The following BECN1 variants were observed in gnomAD, a reference collection of about 807,000 sequenced individuals.
BECN1 encodes beclin-1.
Under a neutral mutation model 60.1 loss-of-function variants are expected in BECN1, and 15 were observed. The observed-to-expected ratio is 0.25, with a 90% CI of 0.17 to 0.38. The LOEUF (loss-of-function observed/expected upper bound fraction) is 0.38, where lower values mean the gene tolerates loss of function less well. BECN1 is among the 10% of genes least tolerant of loss of function. BECN1 has a pLI of 1.00. For synonymous variants in BECN1, 179 were observed against 201.8 expected (o/e 0.89, Z 0.96); for missense variants, 424 against 548.2 (o/e 0.77, Z 2.26).
chr17:42,812,998 C>A (rs558192674), intron 10 of BECN1: 5 of 144,302 alleles, frequency 3.5e-5, no homozygotes, highest in South Asian at 2.2e-4. Context: ...CCACGCCCAG[C>A]TGATTTTTTT....
intron 3 of BECN1, 100 bp from the exon 4 acceptor site, chr17:42,819,709 A>G: frequency 8.5e-7 from 1 of 1,175,028 alleles, no homozygotes; most frequent in Non-Finnish European, 1.2e-6. Context: ...CTTGATAACC[A>G]CAAGACTTGA....
At chr17:42,818,955 A>C (rs1486350467) in intron 4 of BECN1, 78 bp from the exon 5 acceptor site, 1 of 1,519,234 alleles carries the variant, frequency 6.6e-7, no homozygotes, top group Non-Finnish European at 9.1e-7. Context: ...CCAGTGGCAG[A>C]GACTCTCAAG....
chr17:42,810,829 A>C lies in BECN1; in HGVS notation c.1284T>G (p.Ala428=), dbSNP rs760151679. Residue 428 remains alanine, a synonymous_variant, in exon 12 of 12, where the codon GCT becomes GCG. Coordinates refer to ENST00000590099, the MANE Select transcript of BECN1 (RefSeq NM_001313998.2). Reference sequence around the variant, plus strand: ...TAAGATTCGTCAGCATGAACTTGAGAGCTTTTGTCCACTGCTCCTCAGAGT... The same window carrying C: ...TAAGATTCGTCAGCATGAACTTGAGCGCTTTTGTCCACTGCTCCTCAGAGT... ...QFNSEEQWTK[A]LKFMLTNLKW... 6.2e-7 allele frequency: 1 copy of C among 1,613,620 alleles called. No homozygotes were observed. Among genetic ancestry groups the C allele is most frequent in the South Asian group, 1.1e-5 (1 of 90,918 alleles).
chr17:42,812,510 A>C (rs1472127677), intron 10 of BECN1: 3 of 152,096 alleles, frequency 2.0e-5, no homozygotes, highest in South Asian at 2.1e-4. Context: ...TCAGGAGATC[A>C]AGACCATCAT....
At chr17:42,814,130 C>A (rs2055096085) in intron 9 of BECN1, 122 bp from the exon 10 acceptor site, 1 of 601,624 alleles carries the variant, frequency 1.7e-6, no homozygotes, top group Non-Finnish European at 2.9e-6. Flanking sequence ...ATGCTCAACT[C>A]CCTCTCCCAC....
intron 11 of BECN1, 72 bp from the exon 12 acceptor site, chr17:42,811,000 T>C: frequency 2.1e-6 from 3 of 1,407,674 alleles, no homozygotes; most frequent in Non-Finnish European, 2.9e-6. Flanking sequence ...AGGGACTTGA[T>C]CATGGGACCA....
intron 8 of BECN1, chr17:42,815,037 C>T (rs2055116806): frequency 8.6e-6 from 2 of 231,528 alleles, no homozygotes; most frequent in South Asian, 6.0e-5. Flanking sequence ...ACGATTCCAC[C>T]CCTTTACCCC....
Position 42,820,762 on chromosome 17 carries a change from C to T in BECN1, c.198+12G>A. ...TACATGAGGAGGATAGGGGAGAGGG[C>T]ACTTCTATTACCTCTCCTGAGTTAG... is the stretch of plus-strand genomic sequence containing the variant. On this transcript the variant is annotated intron_variant, in intron 3 of 11. Coordinates refer to ENST00000590099, the MANE Select transcript of BECN1 (RefSeq NM_001313998.2). The T allele has an allele frequency of 1.9e-6, 3 of 1,570,710 alleles. No individual in the cohort carries two copies. The highest frequency in any genetic ancestry group is 2.6e-6 in the Non-Finnish European group (3 of 1,154,048).
intron 4 of BECN1, 109 bp downstream of exon 4, chr17:42,819,437 AGG>A: frequency 6.7e-6 from 8 of 1,191,674 alleles, no homozygotes; most frequent in Non-Finnish European, 9.5e-6. Context: ...AAGGGCCAAA[AGG>A]CTAGGTGATG....
rs765239824 is a variant in BECN1 at position 42,819,570 on chromosome 17, G to A, written c.238C>T (p.Arg80Cys). The A allele has an allele frequency of 6.8e-6, 11 of 1,613,658 alleles. No homozygotes were observed. Among genetic ancestry groups the A allele is most frequent in the Middle Eastern group, 1.6e-4 (1 of 6,084 alleles). The change falls in exon 4 of 12, where the codon CGC becomes TGC. Residue 80 changes from arginine (R) to cysteine (C), a missense_variant. Physicochemically the swap from Arg to Cys is radical, Grantham distance 180. Around this residue, in one of 3 missense-constraint regions of BECN1, gnomAD observed 96 missense variants for 125.6 expected, o/e 0.76. Coordinates refer to ENST00000590099, the MANE Select transcript of BECN1 (RefSeq NM_001313998.2). ...CACCTGGCTGGGGGGATGAATCTGC[G>A]AGAGACACCATCCTGGCGAGGAGTT... ...IETPRQDGVSRRFIPPARMMS... is the reference protein window; with the variant it reads ...IETPRQDGVSCRFIPPARMMS...
chr17:42,820,692 C>T (rs948530826), intron 3 of BECN1, 82 bp downstream of exon 3: 28 of 1,406,740 alleles, frequency 2.0e-5, no homozygotes, highest in African/African-American at 2.9e-5. Context: ...GAAACCAAGC[C>T]TGCATTCCTG....
intron 2 of BECN1, among the ~76,000 whole-genome samples, chr17:42,823,017 G>C (rs768307709): frequency 7.9e-5 from 12 of 151,996 alleles, no homozygotes; most frequent in Non-Finnish European, 1.3e-4. Context: ...CCATTTACCA[G>C]CTGTTGGACC....
At position 42,813,951 on chromosome 17, in the gene BECN1, A is replaced by C. The variant is rs1488123153; in HGVS notation, c.1038T>G (p.Ser346=). Residue 346 remains serine, a synonymous_variant, in exon 10 of 12, where the codon TCT becomes TCG. Coordinates refer to ENST00000590099, the MANE Select transcript of BECN1 (RefSeq NM_001313998.2). The part of the protein sequence containing the change: ...HSYLESLTDK[S]KELPLYCSGG... ...AAAATGGAGCTTCACAGAGTACCTTAGATTTGTCTGTCAGAGACTCCAGAT... is the reference window on the plus strand; with the variant it reads ...AAAATGGAGCTTCACAGAGTACCTTCGATTTGTCTGTCAGAGACTCCAGAT... 1 of 1,593,162 alleles carries C rather than the reference A, an allele frequency of 6.3e-7. No homozygotes were observed. Among genetic ancestry groups the C allele is most frequent in the East Asian group, 2.2e-5 (1 of 44,648 alleles).
At chr17:42,818,190 T>C in intron 7 of BECN1, 31 bp downstream of exon 7, 1 of 1,605,192 alleles carries the variant, frequency 6.2e-7, no homozygotes, top group South Asian at 1.1e-5. Context: ...GAGCCTCGAG[T>C]GTGAGAAGAT....
intron 2 of BECN1, among the ~76,000 whole-genome samples, chr17:42,821,618 T>C (rs2055265817): frequency 6.6e-6 from 1 of 152,220 alleles, no homozygotes. Context: ...GGAAACTTTC[T>C]AGGAAGATGA....
At chr17:42,811,630 T>G in intron 11 of BECN1, 25 bp downstream of exon 11, 1 of 1,599,184 alleles carries the variant, frequency 6.3e-7, no homozygotes, top group Non-Finnish European at 8.5e-7. Context: ...CTATACAAGT[T>G]CACTCAGCAT....
chr17:42,819,715 C>T lies in BECN1; in HGVS notation c.199-106G>A, dbSNP rs902716121. 79 of 1,124,934 alleles carry T rather than the reference C, an allele frequency of 7.0e-5. No individual in the cohort carries two copies. The East Asian group carries it at 1.5e-3, about 21-fold the overall frequency. The allele number at this position is 1,124,934 out of a possible 1,614,324, so 69.7% of individuals were successfully genotyped here. On this transcript the variant is annotated intron_variant, in intron 3 of 11. Transcript: ENST00000590099. ...GGCTTTAGTCTTGATAACCACAAGA[C>T]TTGATAAACCACAGAGACTTAAAAA... is the stretch of plus-strand genomic sequence containing the variant.
intron 7 of BECN1, among the ~76,000 whole-genome samples, chr17:42,817,394 G>A (rs964096746): frequency 1.3e-5 from 2 of 151,946 alleles, no homozygotes; most frequent in African/African-American, 4.8e-5. Context: ...CCTTTAAATA[G>A]TTACTATACC....
At chr17:42,819,344 C>T in intron 4 of BECN1, 1 of 572,782 alleles carries the variant, frequency 1.7e-6, no homozygotes, top group East Asian at 3.0e-5. Flanking sequence ...AGCTACTATC[C>T]TTTCCCACTC....
Sources: allele counts gnomAD v4.1 joint callset (sites outside exome capture counted in the v4.1 genomes callset), GRCh38; gene constraint gnomAD v4.1.1; regional missense constraint gnomAD v4.1.1; transcripts MANE v1.5; gene names NCBI Gene and HGNC (gene_info 2026-07-23, HGNC 2026-07-21).